Variants in PICALM observed in about 807,000 individuals in gnomAD.
PICALM encodes the protein phosphatidylinositol binding clathrin assembly protein.
A neutral mutation model predicts 80.5 loss-of-function variants in PICALM; 40 were observed. The ratio of observed to expected loss-of-function variants is 0.50; its 90% CI spans 0.39 to 0.65. The LOEUF is 0.65. Ranked by LOEUF, PICALM falls within the 30% of genes least tolerant of loss-of-function variation. The pLI is 0.00. For synonymous variants in PICALM, 288 were observed against 260.3 expected (o/e 1.11, Z -1.02); for missense variants, 676 against 778.9 (o/e 0.87, Z 1.57).
At chr11:86,050,694 G>A (rs2096171220) in intron 1 of PICALM, among the ~76,000 whole-genome samples, 1 of 152,094 alleles carries the variant, frequency 6.6e-6, no homozygotes, top group Non-Finnish European at 1.5e-5. Context: ...TGTCACTGTG[G>A]TAGAACATAA....
chr11:86,012,235 A>G, intron 6 of PICALM, 46 bp downstream of exon 6: 1 of 1,053,948 alleles, frequency 9.5e-7, no homozygotes, highest in Non-Finnish European at 1.5e-6. Flanking sequence ...TTGTTTATCC[A>G]TATGACACAA....
At chr11:86,058,666 C>T (rs1205439198) in intron 1 of PICALM, among the ~76,000 whole-genome samples, 3 of 152,200 alleles carry the variant, frequency 2.0e-5, no homozygotes, top group Non-Finnish European at 4.4e-5. Context: ...TGCCTATTAT[C>T]TCATACAGCT....
chr11:86,008,982 GGT>G (rs1811040866), intron 7 of PICALM, among the ~76,000 whole-genome samples: 1 of 149,940 alleles, frequency 6.7e-6, no homozygotes, highest in South Asian at 2.1e-4. Context: ...AAAAGCGTAA[GGT>G]AAGGGACTCT....
intron 1 of PICALM, among the ~76,000 whole-genome samples, chr11:86,033,316 A>C (rs1043904525): frequency 6.6e-6 from 1 of 152,200 alleles, no homozygotes; most frequent in African/African-American, 2.4e-5. Flanking sequence ...TATAAAACAT[A>C]TGTGTATGTA....
intron 1 of PICALM, among the ~76,000 whole-genome samples, chr11:86,056,192 T>C (rs1161056006): frequency 1.4e-5 from 2 of 145,630 alleles, no homozygotes; most frequent in Non-Finnish European, 3.0e-5. Flanking sequence ...TTTAAAACTT[T>C]TGTGCATTAA....
At chr11:86,061,330 CAAAAAAAAAAAAAA>C (rs58836221) in intron 1 of PICALM, among the ~76,000 whole-genome samples, 9 of 81,176 alleles carry the variant, frequency 1.1e-4, no homozygotes, top group Non-Finnish European at 2.2e-4. Context: ...GACTCCATCT[CAAAAAAAAAAAAAA>C]AAAAAAAAAA....
At chr11:85,976,997 A>T (rs2094303507) in intron 17 of PICALM, 2 of 178,764 alleles carry the variant, frequency 1.1e-5, no homozygotes, top group Admixed American at 6.0e-5. Flanking sequence ...AGTTCTAAAT[A>T]GTTCTAAAAT....
At chr11:86,029,010 G>A (rs1430719658) in intron 2 of PICALM, among the ~76,000 whole-genome samples, 1 of 151,700 alleles carries the variant, frequency 6.6e-6, no homozygotes, top group Non-Finnish European at 1.5e-5. Context: ...GCTAATTTTT[G>A]TATTTTTTAC....
At chr11:85,961,687 T>C (rs1021122835) in intron 19 of PICALM, among the ~76,000 whole-genome samples, 5 of 152,198 alleles carry the variant, frequency 3.3e-5, no homozygotes, top group Admixed American at 6.5e-5. Context: ...CTGTATAAGA[T>C]TGCAAAGCAT....
intron 3 of PICALM, among the ~76,000 whole-genome samples, chr11:86,023,787 G>C (rs572540295): frequency 2.4e-4 from 36 of 152,244 alleles, no homozygotes; most frequent in Middle Eastern, 6.8e-3. Context: ...CCTGAAAATA[G>C]AGACACTCCA....
chr11:85,965,753 A>C (rs75221437), intron 19 of PICALM, among the ~76,000 whole-genome samples: 1 of 151,418 alleles, frequency 6.6e-6, no homozygotes, highest in Non-Finnish European at 1.5e-5. Flanking sequence ...CATCAACAAC[A>C]TAACAAAGTA....
intron 1 of PICALM, among the ~76,000 whole-genome samples, chr11:86,040,590 A>G (rs1386769321): frequency 6.6e-6 from 1 of 152,208 alleles, no homozygotes; most frequent in Non-Finnish European, 1.5e-5. Context: ...TATATCCCTA[A>G]CATTTACATA....
rs1421858006 is a variant in PICALM at position 86,001,162 on chromosome 11, G to C, written c.894-4C>G. The C allele has an allele frequency of 1.2e-6, 2 of 1,612,156 alleles. No homozygotes were observed. Among genetic ancestry groups the C allele is most frequent in the African/African-American group, 2.7e-5 (2 of 74,820 alleles). ...TGCATTGGAAAGTGTAGTTGCCCTA[G>C]GATAATTGAACAGAGATAATTTGGC... On this transcript the variant is annotated splice_region_variant and splice_polypyrimidine_tract_variant and intron_variant, in intron 9 of 19. Transcript: ENST00000393346.
At position 85,996,929 on chromosome 11, in the gene PICALM, G is replaced by T; in HGVS notation, c.1155C>A (p.Ser385Arg). The T allele has an allele frequency of 6.2e-7, 1 of 1,602,332 alleles. No individual in the cohort carries two copies. The highest frequency in any genetic ancestry group is 8.5e-7 in the Non-Finnish European group (1 of 1,172,472). Residue 385 changes from serine (S) to arginine (R), a missense_variant and splice_region_variant, in exon 12 of 20, where the codon AGC (serine) becomes AGA (arginine). Transcript: ENST00000393346. ...GCAGATCATTGGGCAGCTTTGATGT[G>T]CTAGAAAGATATTTTGGAAACGTGT... ...DIFSTPSSSN[S>R]TSKLPNDLLD...
chr11:86,062,755 G>A (rs547229415), intron 1 of PICALM, among the ~76,000 whole-genome samples: 2 of 152,164 alleles, frequency 1.3e-5, no homozygotes, highest in African/African-American at 4.8e-5. Context: ...CTATCTAACT[G>A]CCCAAAATGA....
chr11:85,985,383 T>A (rs2094546526), intron 13 of PICALM, among the ~76,000 whole-genome samples: 1 of 152,186 alleles, frequency 6.6e-6, no homozygotes, highest in Non-Finnish European at 1.5e-5. Flanking sequence ...TAAAGTAGCA[T>A]TTTACACATC....
intron 12 of PICALM, 146 bp downstream of exon 12, chr11:85,996,680 C>T (rs764145479): frequency 2.2e-5 from 12 of 545,018 alleles, no homozygotes; most frequent in Admixed American, 3.8e-5. Context: ...AACATACCTT[C>T]AAGGGATAAA....
Position 86,012,403 on chromosome 11 carries a change from A to C in PICALM, c.547-11T>G, listed in dbSNP as rs1479623696. 6.7e-7 allele frequency: 1 copy of C among 1,482,328 alleles called. No homozygotes were observed. Among genetic ancestry groups the C allele is most frequent in the African/African-American group, 1.4e-5 (1 of 72,294 alleles). The allele number at this position is 1,482,328 out of a possible 1,614,324, so 91.8% of individuals were successfully genotyped here. ...TTCATTGCTATTAACCTAGGGAAAA[A>C]TTGGAAAATAAAATTAGCTAATCTT... On this transcript the variant is annotated splice_polypyrimidine_tract_variant and intron_variant, in intron 5 of 19. Transcript: ENST00000393346.
At chr11:86,005,630 G>A (rs974183314) in intron 8 of PICALM, among the ~76,000 whole-genome samples, 4 of 152,018 alleles carry the variant, frequency 2.6e-5, no homozygotes, top group African/African-American at 7.2e-5. Flanking sequence ...ACTTGAGCCT[G>A]GGAGGGTGAG....
Sources: allele counts gnomAD v4.1 joint callset (sites outside exome capture counted in the v4.1 genomes callset), GRCh38; gene constraint gnomAD v4.1.1; transcripts MANE v1.5; gene names NCBI Gene and HGNC (gene_info 2026-07-23, HGNC 2026-07-21).